TDRD9: variants seen among roughly 807,000 people sequenced by gnomAD.
TDRD9 encodes tudor domain containing 9.
TDRD9 carries 124 observed loss-of-function variants against 172.6 expected under a neutral mutation model. The observed-to-expected ratio is 0.72, with a 90% confidence interval of 0.62 to 0.83. The LOEUF (loss-of-function observed/expected upper bound fraction) is 0.83. TDRD9 is among the 40% of genes least tolerant of loss of function. The pLI is 0.00. For synonymous variants in TDRD9, 619 were observed against 617.1 expected (o/e 1.00, Z -0.05); for missense variants, 1,479 against 1,714.1 (o/e 0.86, Z 2.42).
chr14:103,928,767 C>A, intron 1 of TDRD9, 43 bp downstream of exon 1: 1 of 758,332 alleles, frequency 1.3e-6, no homozygotes, highest in Non-Finnish European at 1.7e-6. Context: ...GGCGGCCGGG[C>A]GAGGCCTGGC....
At chr14:103,976,013 T>C (rs755968766) in intron 7 of TDRD9, among the ~76,000 whole-genome samples, 19 of 152,166 alleles carry the variant, frequency 1.2e-4, no homozygotes, top group Non-Finnish European at 1.9e-4. Context: ...TAATTTTCTG[T>C]CCATTAACCA....
chr14:103,987,125 C>G (rs148109683), intron 8 of TDRD9, among the ~76,000 whole-genome samples: 1 of 98,956 alleles, frequency 1.0e-5, no homozygotes. Context: ...AAAATATATA[C>G]ACACACACAC....
chr14:103,988,694 C>CT (rs34511631), intron 8 of TDRD9, among the ~76,000 whole-genome samples: 3,497 of 126,832 alleles, frequency 0.028, 132 homozygotes, highest in Admixed American at 0.12. Flanking sequence ...TAGCATTTTA[C>CT]TTTTTTTTTT....
intron 32 of TDRD9, among the ~76,000 whole-genome samples, chr14:104,036,483 C>T (rs1190271000): frequency 2.6e-5 from 4 of 152,198 alleles, no homozygotes; most frequent in African/African-American, 9.7e-5. Flanking sequence ...ACGCTGTGCA[C>T]CTGCAGGCCT....
chr14:104,031,522 G>A (rs1356936190), intron 29 of TDRD9, among the ~76,000 whole-genome samples: 1 of 130,952 alleles, frequency 7.6e-6, no homozygotes, highest in Admixed American at 8.3e-5. Flanking sequence ...TTTTTTTGTC[G>A]GACTAAAGGA....
chr14:103,929,880 A>G (rs2030257458), intron 1 of TDRD9, among the ~76,000 whole-genome samples: 1 of 152,172 alleles, frequency 6.6e-6, no homozygotes, highest in South Asian at 2.1e-4. Flanking sequence ...TTGGGTAAAT[A>G]CCAAGGAGTG....
In TDRD9 at chr14:104,006,561, G is replaced by A; in HGVS notation, c.1879+7G>A. ...GATGAATGTCTTATTATAGGTAAGT[G>A]TGAGAACAAATAAATGCTAATGGGA... On this transcript the variant is annotated splice_region_variant and intron_variant, in intron 16 of 35. Transcript: ENST00000409874. The A allele has an allele frequency of 6.2e-7, 1 of 1,613,022 alleles. No individual in the cohort carries two copies. Among genetic ancestry groups the A allele is most frequent in the Non-Finnish European group, 8.5e-7 (1 of 1,179,132 alleles).
intron 28 of TDRD9, 25 bp from the exon 29 acceptor site, chr14:104,031,083 A>G (rs534442934): frequency 1.3e-6 from 2 of 1,540,854 alleles, no homozygotes; most frequent in Admixed American, 4.2e-5. Context: ...TCTTTTAACA[A>G]AACAAACTTT....
chr14:103,966,215 C>T (rs1264365480), intron 4 of TDRD9, among the ~76,000 whole-genome samples: 1 of 151,876 alleles, frequency 6.6e-6, no homozygotes, highest in Non-Finnish European at 1.5e-5. Flanking sequence ...CCTGTGATTC[C>T]AGCTACTCAG....
At chr14:104,023,999 G>T (rs1305106275) in intron 24 of TDRD9, among the ~76,000 whole-genome samples, 2 of 152,130 alleles carry the variant, frequency 1.3e-5, no homozygotes, top group Admixed American at 6.5e-5. Flanking sequence ...CTTCATTTTA[G>T]AATAAAGTAT....
chr14:104,025,597 A>T lies in TDRD9; in HGVS notation c.2752A>T (p.Ile918Phe), dbSNP rs1169249552. The T allele has an allele frequency of 6.2e-7, 1 of 1,613,946 alleles. No individual in the cohort carries two copies. Residue 918 changes from isoleucine to phenylalanine, a missense_variant, in exon 26 of 36, where the codon ATT (isoleucine) becomes TTT (phenylalanine). Physicochemically the swap from Ile to Phe is conservative, Grantham distance 21 (BLOSUM62 0). Around this residue, in one of 3 missense-constraint regions of TDRD9, gnomAD observed 1,413 missense variants for 1,649.1 expected, o/e 0.86. Coordinates refer to ENST00000409874, the MANE Select transcript of TDRD9 (RefSeq NM_153046.3). ...AGTGGGACACTTTTGGGGATACAGG[A>T]TTGATGAAAACAACTCAGAGATTCT... is the stretch of plus-strand genomic sequence containing the variant. ...VEVGHFWGYRIDENNSEILKK... is the reference protein window; with the variant it reads ...VEVGHFWGYRFDENNSEILKK...
chr14:104,048,348 C>T (rs2035841248), intron 34 of TDRD9, among the ~76,000 whole-genome samples: 1 of 152,208 alleles, frequency 6.6e-6, no homozygotes, highest in South Asian at 2.1e-4. Context: ...TGGCGATCCT[C>T]CTGCCTCAGT....
intron 11 of TDRD9, among the ~76,000 whole-genome samples, chr14:103,995,112 C>T (rs9324070): frequency 0.023 from 3,432 of 152,138 alleles, 145 homozygotes; most frequent in Admixed American, 0.12. Context: ...TTTTTGTTTT[C>T]TCAATTCAGG....
At position 103,929,767 on chromosome 14, in the gene TDRD9, A is replaced by G. The variant is rs528940980; in HGVS notation, c.215+1043A>G. Among the ~76,000 whole-genome samples, 5 of 152,246 alleles carry G rather than the reference A, an allele frequency of 3.3e-5. No homozygotes were observed. In the South Asian group the frequency reaches 8.3e-4, roughly 25 times the overall value. On this transcript the variant is annotated intron_variant, in intron 1 of 35. Transcript: ENST00000409874. Reference sequence around the variant, plus strand: ...ACTCCTGACCTCAGGTGATCTGCCCACCTCAGCCTCCCAAAGTGCTGGGAT... The same window carrying G: ...ACTCCTGACCTCAGGTGATCTGCCCGCCTCAGCCTCCCAAAGTGCTGGGAT...
In TDRD9 at chr14:103,965,500, C is replaced by T. The variant is rs1042098980; in HGVS notation, c.588C>T (p.Ala196=). 8.4e-6 allele frequency: 13 copies of T among 1,547,692 alleles called. No homozygotes were observed. Among genetic ancestry groups the T allele is most frequent in the African/African-American group, 5.5e-5 (4 of 72,530 alleles). The change falls in exon 4 of 36, where the codon GCC becomes GCT. Residue 196 remains alanine, a synonymous_variant. Transcript: ENST00000409874. The part of the protein sequence containing the change: ...QPRKIGASSI[A]RWISKERAWT... ...GGAAGATAGGGGCAAGCAGCATCGC[C>T]AGGTGGATCAGTAAAGAGCGTGCCT...
At chr14:103,943,475 C>T (rs2031378619) in intron 1 of TDRD9, among the ~76,000 whole-genome samples, 1 of 149,088 alleles carries the variant, frequency 6.7e-6, no homozygotes, top group African/African-American at 2.5e-5. Flanking sequence ...AATATACACA[C>T]ATATATAATA....
chr14:103,945,233 C>T (rs1201860346), intron 1 of TDRD9, among the ~76,000 whole-genome samples: 1 of 152,194 alleles, frequency 6.6e-6, no homozygotes, highest in Non-Finnish European at 1.5e-5. Flanking sequence ...TTCTTGAAGG[C>T]AATCTTCCTT....
At position 103,928,473 on chromosome 14, in the gene TDRD9, C is replaced by T; in HGVS notation, c.-37C>T. ...CGTCGCCTGTTCCCGCCGCGGAGAC[C>T]CGGCAGTTGGGGGATGCCGACGCCT... On this transcript the variant is annotated 5_prime_UTR_variant, in exon 1 of 36. Transcript: ENST00000409874. 2 of 1,427,280 alleles carry T rather than the reference C, an allele frequency of 1.4e-6. No homozygotes were observed. The highest frequency in any genetic ancestry group is 1.9e-6 in the Non-Finnish European group (2 of 1,080,982). The allele number at this position is 1,427,280 out of a possible 1,614,324, so 88.4% of individuals were successfully genotyped here.
At chr14:103,994,429 A>G in intron 10 of TDRD9, 43 bp downstream of exon 10, 1 of 1,605,218 alleles carries the variant, frequency 6.2e-7, no homozygotes, top group Non-Finnish European at 8.5e-7. Context: ...AAGCCATTGC[A>G]TTGTTTCTGC....
Sources: allele counts gnomAD v4.1 joint callset (sites outside exome capture counted in the v4.1 genomes callset), GRCh38; gene constraint gnomAD v4.1.1; regional missense constraint gnomAD v4.1.1; transcripts MANE v1.5; gene names NCBI Gene and HGNC (gene_info 2026-07-23, HGNC 2026-07-21).